WAPL: variants seen among roughly 807,000 people sequenced by gnomAD.
WAPL encodes wings apart-like protein homolog.
Under a neutral mutation model 121.0 loss-of-function variants are expected in WAPL, and 5 were observed. The observed-to-expected ratio is 0.04, with a 90% CI of 0.02 to 0.09. The LOEUF is 0.09. WAPL is among the 10% of genes least tolerant of loss of function. WAPL has a pLI of 1.00. For missense variants in WAPL, 999 were observed against 1,410.8 expected, an observed-to-expected ratio of 0.71 and a Z score of 4.68; for synonymous variants, 480 against 481.5, an observed-to-expected ratio of 1.00 and a Z score of 0.04.
In WAPL at chr10:86,484,600, T is replaced by G. The variant is rs754017578; in HGVS notation, c.1645-10627A>C. ...GTGCAGCATACGTGTACAGTCTTTA[T>G]AAAGTCTACAGTAGTGTCCTAAGCT... is the stretch of plus-strand genomic sequence containing the variant. On this transcript the variant is annotated intron_variant, in intron 4 of 18. Coordinates refer to ENST00000298767, the MANE Select transcript of WAPL (RefSeq NM_015045.5). Among the ~76,000 whole-genome samples, 4 of 152,242 alleles carry G rather than the reference T, an allele frequency of 2.6e-5. No individual in the cohort carries two copies. The South Asian group carries it at 8.3e-4, about 32-fold the overall frequency.
intron 9 of WAPL, among the ~76,000 whole-genome samples, chr10:86,464,933 C>T (rs761640895): frequency 2.0e-5 from 3 of 152,204 alleles, no homozygotes; most frequent in Admixed American, 6.5e-5. Flanking sequence ...GGGCACAACA[C>T]CTCTCTCCAC....
At chr10:86,474,508 C>T (rs995612607) in intron 4 of WAPL, among the ~76,000 whole-genome samples, 86 of 93,704 alleles carry the variant, frequency 9.2e-4, no homozygotes, top group Non-Finnish European at 1.5e-3. Flanking sequence ...AGTGAGACTC[C>T]GTCTCAAAAA....
chr10:86,469,854 A>C (rs1040613274), intron 8 of WAPL, among the ~76,000 whole-genome samples: 3 of 152,160 alleles, frequency 2.0e-5, no homozygotes, highest in African/African-American at 7.2e-5. Context: ...GTAATGTCTA[A>C]GTTCACTGTT....
At chr10:86,512,410 G>A (rs772192227) in intron 2 of WAPL, among the ~76,000 whole-genome samples, 8 of 152,202 alleles carry the variant, frequency 5.3e-5, no homozygotes, top group Non-Finnish European at 8.8e-5. Flanking sequence ...GTGCCAAGCC[G>A]AAATATAAGT....
At chr10:86,491,543 CA>C (rs1057353908) in intron 4 of WAPL, among the ~76,000 whole-genome samples, 7 of 151,932 alleles carry the variant, frequency 4.6e-5, no homozygotes, top group Admixed American at 1.3e-4. Flanking sequence ...CTAATGTCCA[CA>C]AAAAGAACCA....
intron 4 of WAPL, among the ~76,000 whole-genome samples, chr10:86,495,051 C>T (rs1159263543): frequency 6.6e-6 from 1 of 152,170 alleles, no homozygotes. Context: ...AAATTGAACA[C>T]ACTCATTCTT....
Position 86,464,420 on chromosome 10 carries a change from T to C in WAPL, c.2370+2859A>G, listed in dbSNP as rs1026402041. ...CTGAAATGAATCTAAATGTTGAATA[T>C]AGAAGACAAAAAAATAAAGTCATAT... On this transcript the variant is annotated intron_variant, in intron 9 of 18. Coordinates refer to ENST00000298767, the MANE Select transcript of WAPL (RefSeq NM_015045.5). Among the ~76,000 whole-genome samples the C allele has an allele frequency of 6.6e-5, 10 of 152,238 alleles. 1 individual carries two copies. Among genetic ancestry groups the C allele is most frequent in the South Asian group, 4.1e-4 (2 of 4,830 alleles).
At chr10:86,512,608 A>T (rs796115786) in intron 2 of WAPL, among the ~76,000 whole-genome samples, 1 of 152,242 alleles carries the variant, frequency 6.6e-6, no homozygotes, top group African/African-American at 2.4e-5. Context: ...TCCTGCTAAC[A>T]GTCATTTTTA....
chr10:86,459,242 T>C (rs906328193), intron 11 of WAPL, among the ~76,000 whole-genome samples, 177 bp from the exon 12 acceptor site: 2 of 152,220 alleles, frequency 1.3e-5, no homozygotes, highest in Admixed American at 1.3e-4. Flanking sequence ...AAGCTAATGC[T>C]TTATGAAAAA....
intron 9 of WAPL, among the ~76,000 whole-genome samples, chr10:86,465,353 C>A (rs886958527): frequency 1.3e-5 from 2 of 152,068 alleles, no homozygotes; most frequent in Non-Finnish European, 2.9e-5. Context: ...ATACAGGCAC[C>A]CACCACCACG....
At position 86,435,341 on chromosome 10, in the gene WAPL, T is replaced by C. The variant is rs1004626546; in HGVS notation, c.*2202A>G. On this transcript the variant is annotated 3_prime_UTR_variant, in exon 19 of 19. Coordinates refer to ENST00000298767, the MANE Select transcript of WAPL (RefSeq NM_015045.5). Reference sequence around the variant, plus strand: ...TTCATGAAACTGGTACAAACTATTTTTTCCTGCCGTTGGCTTTTGCTCCAA... The same window carrying C: ...TTCATGAAACTGGTACAAACTATTTCTTCCTGCCGTTGGCTTTTGCTCCAA... 1 of 152,650 alleles carries C rather than the reference T, an allele frequency of 6.6e-6. No individual in the cohort carries two copies. The highest frequency in any genetic ancestry group is 1.5e-5 in the Non-Finnish European group (1 of 68,036). 9.5% of individuals were successfully genotyped at this position (152,650 alleles called of 1,614,324 possible). A position where few individuals can be genotyped will look rare whatever the true frequency, so the allele number is the denominator to read the frequency against.
intron 2 of WAPL, among the ~76,000 whole-genome samples, chr10:86,513,441 T>TC (rs200921070): frequency 3.3e-3 from 1 of 302 alleles, no homozygotes; most frequent in Non-Finnish European, 6.0e-3. Context: ...TTCAAGCAGT[T>TC]CCCGCCTCAG....
intron 17 of WAPL, among the ~76,000 whole-genome samples, chr10:86,441,442 A>G (rs1369645115): frequency 2.0e-5 from 3 of 152,136 alleles, no homozygotes; most frequent in African/African-American, 7.2e-5. Flanking sequence ...TTCAGACAAA[A>G]GCATTGTGAC....
chr10:86,484,660 C>T (rs1236217466), intron 4 of WAPL, among the ~76,000 whole-genome samples: 1 of 152,198 alleles, frequency 6.6e-6, no homozygotes, highest in African/African-American at 2.4e-5. Context: ...AAGAAACTTG[C>T]AATCCTGCAA....
intron 2 of WAPL, among the ~76,000 whole-genome samples, chr10:86,514,749 T>C (rs574792354): frequency 8.9e-4 from 135 of 152,356 alleles, no homozygotes; most frequent in Admixed American, 2.4e-3. Flanking sequence ...CAATTACTTA[T>C]GAATAACTTC....
chr10:86,519,006 GGCTAGTGA>G (rs1427635164), intron 1 of WAPL, among the ~76,000 whole-genome samples: 1 of 151,926 alleles, frequency 6.6e-6, no homozygotes, highest in African/African-American at 2.4e-5. Flanking sequence ...TATTTTCTGG[GGCTAGTGA>G]GCTCCAGCAT....
intron 15 of WAPL, among the ~76,000 whole-genome samples, chr10:86,449,293 G>A (rs891721479): frequency 1.3e-5 from 2 of 152,174 alleles, no homozygotes; most frequent in African/African-American, 4.8e-5. Context: ...TTGAATAACA[G>A]AATTAAGAGC....
At chr10:86,458,287 T>C (rs1181471867) in intron 12 of WAPL, among the ~76,000 whole-genome samples, 1 of 152,114 alleles carries the variant, frequency 6.6e-6, no homozygotes, top group East Asian at 1.9e-4. Context: ...CAGGAAGAGG[T>C]TGCTGTAATA....
In WAPL at chr10:86,467,420, T is replaced by C. The variant is rs986113492; in HGVS notation, c.2229A>G (p.Leu743=). The C allele has an allele frequency of 6.2e-7, 1 of 1,614,006 alleles. No individual in the cohort carries two copies. The highest frequency in any genetic ancestry group is 1.7e-5 in the Admixed American group (1 of 59,984). Residue 743 remains leucine (L), a synonymous_variant, in exon 9 of 19, where the codon CTA becomes CTG. Coordinates refer to ENST00000298767, the MANE Select transcript of WAPL (RefSeq NM_015045.5). ...NMDLDRASLD[L]MIRLLELEQD... ...GTTCCAGTTCCAAAAGTCGAATCATTAGATCTAAGCTAGCTCTATCAAGAT... is the reference window on the plus strand; with the variant it reads ...GTTCCAGTTCCAAAAGTCGAATCATCAGATCTAAGCTAGCTCTATCAAGAT...
Sources: allele counts gnomAD v4.1 joint callset (sites outside exome capture counted in the v4.1 genomes callset), GRCh38; gene constraint gnomAD v4.1.1; transcripts MANE v1.5; gene names NCBI Gene and HGNC (gene_info 2026-07-23, HGNC 2026-07-21).